MYO3B: variants seen among roughly 807,000 people sequenced by gnomAD.
The protein encoded by MYO3B is myosin IIIB, also known as myosin-IIIb.
MYO3B carries 156 observed loss-of-function variants against 174.6 expected under a neutral mutation model. That is an observed-to-expected ratio of 0.89 (90% CI 0.78 to 1.02). The LOEUF (loss-of-function observed/expected upper bound fraction) is 1.02. Among genes scored for constraint, MYO3B ranks in the 50% least tolerant of loss-of-function variants. MYO3B has a pLI of 0.00. For missense variants in MYO3B, 1,632 were observed against 1,639.4 expected (o/e 1.00, Z 0.08); for synonymous variants, 563 against 569.1 (o/e 0.99, Z 0.15).
At chr2:170,648,634 A>T (rs1367857457) in intron 32 of MYO3B, among the ~76,000 whole-genome samples, 1 of 88,546 alleles carries the variant, frequency 1.1e-5, no homozygotes, top group Non-Finnish European at 2.0e-5. Context: ...AAAAATATGT[A>T]TATATATTAT....
intron 23 of MYO3B, among the ~76,000 whole-genome samples, chr2:170,457,103 A>T (rs1683951465): frequency 6.6e-6 from 1 of 152,226 alleles, no homozygotes; most frequent in African/African-American, 2.4e-5. Context: ...TGCATAGTGC[A>T]CTTACCATGA....
At chr2:170,237,911 G>A (rs143784390) in intron 7 of MYO3B, among the ~76,000 whole-genome samples, 2 of 152,190 alleles carry the variant, frequency 1.3e-5, no homozygotes, top group Non-Finnish European at 2.9e-5. Flanking sequence ...CAGATTCTCA[G>A]TGTGATTATG....
chr2:170,210,176 T>G (rs909646298), intron 3 of MYO3B, among the ~76,000 whole-genome samples: 2 of 152,220 alleles, frequency 1.3e-5, no homozygotes, highest in African/African-American at 4.8e-5. Flanking sequence ...AGTACCTTGT[T>G]GTGCTTTTAT....
At chr2:170,437,799 G>T (rs1168919811) in intron 22 of MYO3B, among the ~76,000 whole-genome samples, 1 of 152,042 alleles carries the variant, frequency 6.6e-6, no homozygotes, top group Admixed American at 6.6e-5. Flanking sequence ...ATCAGTGTCT[G>T]TGTCCTCAAC....
At chr2:170,528,054 G>A (rs765283698) in intron 30 of MYO3B, among the ~76,000 whole-genome samples, 2 of 152,212 alleles carry the variant, frequency 1.3e-5, no homozygotes, top group Non-Finnish European at 2.9e-5. Context: ...TATTTACCTT[G>A]AGTTTGATTT....
At chr2:170,268,020 G>A (rs953652916) in intron 7 of MYO3B, among the ~76,000 whole-genome samples, 15 of 151,980 alleles carry the variant, frequency 9.9e-5, no homozygotes, top group East Asian at 1.9e-4. Flanking sequence ...CCAGCCTGGC[G>A]AACATGGTGA....
rs547623825 is a variant in MYO3B at position 170,188,802 on chromosome 2, A to T, written c.3-10406A>T. ...TTTTTGGCTGTTCATATCTTATTGT[A>T]CTGTCTATGTCTTGAAAAGTTGCTG... On this transcript the variant is annotated intron_variant, in intron 1 of 34. Transcript: ENST00000408978. 3.9e-5 allele frequency among the ~76,000 whole-genome samples: 6 copies of T among 152,192 alleles called. No individual in the cohort carries two copies. The South Asian group carries it at 8.3e-4, about 21-fold the overall frequency.
intron 32 of MYO3B, among the ~76,000 whole-genome samples, chr2:170,617,250 T>C (rs1695518940): frequency 6.6e-6 from 1 of 152,218 alleles, no homozygotes; most frequent in Non-Finnish European, 1.5e-5. Context: ...TATAGAATAT[T>C]GTTAATAACA....
chr2:170,557,774 G>A (rs1206680538), intron 32 of MYO3B, among the ~76,000 whole-genome samples: 1 of 152,134 alleles, frequency 6.6e-6, no homozygotes, highest in Non-Finnish European at 1.5e-5. Context: ...GTGGTCTCCA[G>A]GAAAGGTTCA....
At chr2:170,375,701 C>T (rs1425021635) in intron 9 of MYO3B, among the ~76,000 whole-genome samples, 2 of 135,248 alleles carry the variant, frequency 1.5e-5, no homozygotes, top group Non-Finnish European at 3.2e-5. Flanking sequence ...CCTCTTCTAC[C>T]TTCAAATATG....
chr2:170,364,722 A>T (rs2094185714), intron 8 of MYO3B, among the ~76,000 whole-genome samples: 1 of 152,222 alleles, frequency 6.6e-6, no homozygotes, highest in Non-Finnish European at 1.5e-5. Context: ...CCCAGCTGTC[A>T]GTTTCATCTT....
At chr2:170,196,822 C>CA (rs2092605528) in intron 1 of MYO3B, among the ~76,000 whole-genome samples, 1 of 152,114 alleles carries the variant, frequency 6.6e-6, no homozygotes, top group African/African-American at 2.4e-5. Context: ...CCCCAAAACT[C>CA]AGCTGCCTTT....
At chr2:170,587,683 T>C (rs1262079163) in intron 32 of MYO3B, among the ~76,000 whole-genome samples, 1 of 152,208 alleles carries the variant, frequency 6.6e-6, no homozygotes, top group East Asian at 1.9e-4. Context: ...AAGCACATTC[T>C]TCTCAGTACC....
intron 22 of MYO3B, among the ~76,000 whole-genome samples, chr2:170,426,474 T>A (rs751854706): frequency 3.3e-5 from 5 of 151,542 alleles, no homozygotes; most frequent in Admixed American, 6.6e-5. Flanking sequence ...TAGCTGGGAC[T>A]ACAGGCACCC....
intron 7 of MYO3B, among the ~76,000 whole-genome samples, chr2:170,275,392 A>G (rs1432993702): frequency 6.6e-6 from 1 of 152,186 alleles, no homozygotes; most frequent in Admixed American, 6.6e-5. Context: ...CACAGTTTCC[A>G]GAGTTGCTAT....
chr2:170,482,634 C>T (rs1392057606), intron 25 of MYO3B, among the ~76,000 whole-genome samples: 2 of 152,240 alleles, frequency 1.3e-5, no homozygotes, highest in East Asian at 3.8e-4. Context: ...CAAACTAATA[C>T]ACTTGGTTAG....
At chr2:170,266,536 C>T (rs2093384913) in intron 7 of MYO3B, among the ~76,000 whole-genome samples, 1 of 152,036 alleles carries the variant, frequency 6.6e-6, no homozygotes, top group Admixed American at 6.6e-5. Context: ...TCAAAGAGTC[C>T]TGTGCTTTGC....
At chr2:170,437,914 G>T (rs2094767353) in intron 22 of MYO3B, among the ~76,000 whole-genome samples, 4 of 152,052 alleles carry the variant, frequency 2.6e-5, no homozygotes, top group Admixed American at 1.3e-4. Context: ...CAGTGTCCCA[G>T]TTGGAGACTT....
intron 24 of MYO3B, among the ~76,000 whole-genome samples, chr2:170,464,223 C>T (rs559650848): frequency 1.3e-5 from 2 of 151,890 alleles, no homozygotes; most frequent in East Asian, 3.9e-4. Flanking sequence ...GTGGCAGGTG[C>T]CTGTAATCCC....
Sources: allele counts gnomAD v4.1 joint callset (sites outside exome capture counted in the v4.1 genomes callset), GRCh38; gene constraint gnomAD v4.1.1; transcripts MANE v1.5; gene names NCBI Gene and HGNC (gene_info 2026-07-23, HGNC 2026-07-21).